The following ADAM12 variants were observed in gnomAD, a reference collection of about 807,000 sequenced individuals.
The protein encoded by ADAM12 is ADAM metallopeptidase domain 12, also known as disintegrin and metalloproteinase domain-containing protein 12.
A neutral mutation model predicts 106.4 loss-of-function variants in ADAM12; 70 were observed. The ratio of observed to expected loss-of-function variants is 0.66; its 90% CI spans 0.54 to 0.80. ADAM12 has a LOEUF of 0.80. Among genes scored for constraint, ADAM12 ranks in the 30% least tolerant of loss-of-function variants. The pLI, the probability that ADAM12 is intolerant of heterozygous loss-of-function variation, is 0.00. For missense variants in ADAM12, 1,010 were observed against 1,171.9 expected (o/e 0.86, Z 2.02); for synonymous variants, 420 against 433.5 (o/e 0.97, Z 0.39).
At position 126,189,052 on chromosome 10, in the gene ADAM12, C is replaced by A. The variant is rs1957450413; in HGVS notation, c.261-33747G>T. Among the ~76,000 whole-genome samples, 4 of 152,180 alleles carry A rather than the reference C, an allele frequency of 2.6e-5. No individual in the cohort carries two copies. In the South Asian group the frequency reaches 8.3e-4, roughly 32 times the overall value. ...GTGTGAGCCCTGTTGCACAAACGTC[C>A]CTTTTCTCAAGAAGCCCACATCCTA... On this transcript the variant is annotated intron_variant, in intron 3 of 22. Transcript: ENST00000448723.
intron 3 of ADAM12, among the ~76,000 whole-genome samples, chr10:126,209,027 C>G (rs540727440): frequency 6.6e-6 from 1 of 152,116 alleles, no homozygotes; most frequent in Non-Finnish European, 1.5e-5. Context: ...TTTTCTATTA[C>G]TCATTATTCT....
At chr10:126,249,526 G>A (rs1225243074) in intron 3 of ADAM12, among the ~76,000 whole-genome samples, 3 of 152,242 alleles carry the variant, frequency 2.0e-5, no homozygotes, top group Non-Finnish European at 2.9e-5. Flanking sequence ...CGTGAAACCC[G>A]TCTCTAGTAA....
Position 126,140,919 on chromosome 10 carries a change from A to G in ADAM12, c.340-5259T>C, listed in dbSNP as rs538304959. 2.0e-5 allele frequency among the ~76,000 whole-genome samples: 3 copies of G among 152,302 alleles called. No homozygotes were observed. The South Asian group carries it at 6.2e-4, about 32-fold the overall frequency. ...GGGGGTGACCCTCTTAGCCAGTGACAAAGGCAGAGAGAGAGGAGCACAGGC... is the reference window on the plus strand; with the variant it reads ...GGGGGTGACCCTCTTAGCCAGTGACGAAGGCAGAGAGAGAGGAGCACAGGC... On this transcript the variant is annotated intron_variant, in intron 4 of 22. Coordinates refer to ENST00000448723, the MANE Select transcript of ADAM12 (RefSeq NM_001288973.2).
At chr10:126,196,749 T>A (rs1224950758) in intron 3 of ADAM12, among the ~76,000 whole-genome samples, 1 of 152,162 alleles carries the variant, frequency 6.6e-6, no homozygotes, top group Non-Finnish European at 1.5e-5. Flanking sequence ...TGATTAGTTA[T>A]AGTTAGTTGC....
At chr10:126,126,959 G>A (rs1465935053) in intron 5 of ADAM12, among the ~76,000 whole-genome samples, 4 of 152,126 alleles carry the variant, frequency 2.6e-5, no homozygotes, top group Non-Finnish European at 4.4e-5. Context: ...TGACAGTGGG[G>A]CCTGGGGAGA....
chr10:126,051,535 A>AT (rs1217647790), intron 14 of ADAM12, among the ~76,000 whole-genome samples: 3 of 131,676 alleles, frequency 2.3e-5, no homozygotes, highest in Non-Finnish European at 4.8e-5. Flanking sequence ...CCAGCCAGCC[A>AT]CCCATCCATC....
At chr10:126,124,421 C>G (rs1249180926) in intron 5 of ADAM12, among the ~76,000 whole-genome samples, 1 of 152,042 alleles carries the variant, frequency 6.6e-6, no homozygotes, top group Admixed American at 6.6e-5. Context: ...TCCATGTGAA[C>G]TACTCAGGTA....
intron 1 of ADAM12, among the ~76,000 whole-genome samples, chr10:126,387,596 T>G (rs1856710458): frequency 6.6e-6 from 1 of 151,928 alleles, no homozygotes. Flanking sequence ...GCGGGGCCGC[T>G]GCGCGCCCCC....
intron 3 of ADAM12, among the ~76,000 whole-genome samples, chr10:126,257,589 T>C (rs1027672980): frequency 6.6e-6 from 1 of 152,142 alleles, no homozygotes; most frequent in East Asian, 1.9e-4. Flanking sequence ...TATCCACAAC[T>C]ATAAAGGAAA....
intron 5 of ADAM12, among the ~76,000 whole-genome samples, chr10:126,129,692 C>T (rs962859870): frequency 1.6e-4 from 24 of 152,180 alleles, no homozygotes; most frequent in Admixed American, 1.3e-3. Flanking sequence ...ACATACGATA[C>T]GGGACAAAAT....
intron 14 of ADAM12, among the ~76,000 whole-genome samples, chr10:126,060,948 C>CA (rs1954742732): frequency 6.6e-6 from 1 of 150,390 alleles, no homozygotes; most frequent in South Asian, 2.1e-4. Context: ...CTTCAAGGCA[C>CA]AGCCCAAGCT....
chr10:126,345,451 T>C (rs966554655), intron 1 of ADAM12, among the ~76,000 whole-genome samples: 2 of 152,112 alleles, frequency 1.3e-5, no homozygotes, highest in African/African-American at 2.4e-5. Flanking sequence ...GATTTTTGCA[T>C]TGATTTTATC....
At chr10:126,164,719 G>T (rs1392371912) in intron 3 of ADAM12, among the ~76,000 whole-genome samples, 3 of 152,112 alleles carry the variant, frequency 2.0e-5, no homozygotes, top group Non-Finnish European at 4.4e-5. Flanking sequence ...CACCCAGACC[G>T]GACCCTGCAT....
rs1055503033 is a variant in ADAM12 at position 126,064,571 on chromosome 10, C to T, written c.1609+235G>A. 3.2e-5 allele frequency: 15 copies of T among 471,130 alleles called. No individual in the cohort carries two copies. The highest frequency in any genetic ancestry group is 1.1e-4 in the East Asian group (3 of 28,452). The allele number at this position is 471,130 out of a possible 1,614,324, so 29.2% of individuals were successfully genotyped here. On this transcript the variant is annotated intron_variant, in intron 14 of 22. Coordinates refer to ENST00000448723, the MANE Select transcript of ADAM12 (RefSeq NM_001288973.2). This position sits in a 1 kb window ranked among gnomAD's most constrained non-coding sequence, Gnocchi z 4.4. ...GGTGCTCCTGCAGCTCCTGTTGGACCGCACTGAGCTTCTTAAGGCCAGGCT... is the reference window on the plus strand; with the variant it reads ...GGTGCTCCTGCAGCTCCTGTTGGACTGCACTGAGCTTCTTAAGGCCAGGCT...
chr10:126,192,126 G>A (rs975512426), intron 3 of ADAM12, among the ~76,000 whole-genome samples: 1 of 152,204 alleles, frequency 6.6e-6, no homozygotes, highest in Non-Finnish European at 1.5e-5. Flanking sequence ...TTTGACATAA[G>A]ATTTGGGTGG....
intron 1 of ADAM12, among the ~76,000 whole-genome samples, chr10:126,381,676 T>G (rs1450573476): frequency 1.3e-5 from 2 of 151,898 alleles, no homozygotes; most frequent in African/African-American, 4.8e-5. Flanking sequence ...TTGTATCTTT[T>G]TTTTTAGTAG....
At position 126,049,322 on chromosome 10, in the gene ADAM12, G is replaced by T. The variant is rs374902436; in HGVS notation, c.1848C>A (p.His616Gln). ...CCGGCATGTCATCGCCCAAGTACACGTGGGTCCCCCGGCACAGAATCCGGC... is the reference window on the plus strand; with the variant it reads ...CCGGCATGTCATCGCCCAAGTACACTTGGGTCCCCCGGCACAGAATCCGGC... The part of the protein sequence containing the change: ...QGGRILCRGT[H>Q]VYLGDDMPDP... Residue 616 changes from histidine to glutamine, a missense_variant, in exon 16 of 23, where the codon CAC becomes CAA. Transcript: ENST00000448723. The surrounding 1 kb of genome is among the most constrained non-coding windows in gnomAD (Gnocchi z 4.4). 6.2e-7 allele frequency: 1 copy of T among 1,614,184 alleles called. No individual in the cohort carries two copies. The highest frequency in any genetic ancestry group is 8.5e-7 in the Non-Finnish European group (1 of 1,180,034).
intron 3 of ADAM12, among the ~76,000 whole-genome samples, chr10:126,215,266 A>C (rs1957967643): frequency 6.6e-6 from 1 of 152,094 alleles, no homozygotes; most frequent in Admixed American, 6.5e-5. Context: ...CCCCACCAGC[A>C]CTACTGACAG....
chr10:126,115,214 T>A (rs954835597), intron 6 of ADAM12, among the ~76,000 whole-genome samples: 1 of 152,188 alleles, frequency 6.6e-6, no homozygotes, highest in African/African-American at 2.4e-5. Flanking sequence ...GCACAGATAA[T>A]CCCTAAAGAA....
Sources: allele counts gnomAD v4.1 joint callset (sites outside exome capture counted in the v4.1 genomes callset), GRCh38; gene constraint gnomAD v4.1.1; non-coding constraint Gnocchi (gnomAD v3.1); transcripts MANE v1.5; gene names NCBI Gene and HGNC (gene_info 2026-07-23, HGNC 2026-07-21).